SKAP2: variants seen among roughly 807,000 people sequenced by gnomAD.
SKAP2 encodes src kinase-associated phosphoprotein 2.
In SKAP2, 28 loss-of-function variants were observed where a neutral mutation model predicts 54.9. That is an observed-to-expected ratio of 0.51 (90% CI 0.38 to 0.70). The LOEUF (loss-of-function observed/expected upper bound fraction) is 0.70, where lower values mean the gene tolerates loss of function less well. SKAP2 is among the 30% of genes least tolerant of loss of function. SKAP2 has a pLI of 0.00. For missense variants in SKAP2, 356 were observed against 424.1 expected, an observed-to-expected ratio of 0.84 and a Z score of 1.41; for synonymous variants, 137 against 134.3, an observed-to-expected ratio of 1.02 and a Z score of -0.14.
At chr7:26,723,777 T>A (rs1584352677) in intron 9 of SKAP2, among the ~76,000 whole-genome samples, 1 of 152,248 alleles carries the variant, frequency 6.6e-6, no homozygotes, top group East Asian at 1.9e-4. Flanking sequence ...ATTTCAACAA[T>A]TGTAATGTAA....
At chr7:26,718,662 C>T (rs543611093) in intron 9 of SKAP2, among the ~76,000 whole-genome samples, 4 of 152,090 alleles carry the variant, frequency 2.6e-5, no homozygotes, top group African/African-American at 9.6e-5. Flanking sequence ...CGTGCCACCA[C>T]GCCCAGCTAA....
At chr7:26,739,862 T>C (rs564091178) in intron 5 of SKAP2, 25 bp downstream of exon 5, 4 of 1,528,348 alleles carry the variant, frequency 2.6e-6, no homozygotes, top group Non-Finnish European at 3.6e-6. Flanking sequence ...TATTTTTACA[T>C]TTTTCATTAG....
intron 1 of SKAP2, chr7:26,857,795 C>T (rs1453148779): frequency 1.7e-5 from 16 of 921,348 alleles, no homozygotes; most frequent in Non-Finnish European, 2.1e-5. Context: ...GAGTCTTGGG[C>T]GAATCAAGTG....
chr7:26,833,747 A>C (rs1784646608), intron 4 of SKAP2, among the ~76,000 whole-genome samples: 1 of 152,150 alleles, frequency 6.6e-6, no homozygotes. Context: ...CCACAAAGAG[A>C]CTTAGACTCC....
chr7:26,765,495 G>T (rs1186262762), intron 4 of SKAP2, among the ~76,000 whole-genome samples: 1 of 152,068 alleles, frequency 6.6e-6, no homozygotes. Context: ...TGTCAACTTT[G>T]GCTTTTGTTG....
intron 4 of SKAP2, among the ~76,000 whole-genome samples, chr7:26,753,566 T>G (rs1421755039): frequency 2.0e-5 from 3 of 152,212 alleles, no homozygotes; most frequent in Non-Finnish European, 4.4e-5. Flanking sequence ...GATTTTTATT[T>G]ATAACTACCT....
intron 11 of SKAP2, among the ~76,000 whole-genome samples, chr7:26,684,285 A>G (rs535895817): frequency 4.6e-5 from 7 of 152,352 alleles, no homozygotes; most frequent in African/African-American, 1.7e-4. Context: ...TTGCTTTTAA[A>G]TTGCCGGAAC....
intron 4 of SKAP2, among the ~76,000 whole-genome samples, chr7:26,797,205 C>G (rs1783799405): frequency 6.6e-6 from 1 of 152,200 alleles, no homozygotes; most frequent in African/African-American, 2.4e-5. Context: ...GGGCCTCGAG[C>G]TAAAATAGGC....
intron 4 of SKAP2, among the ~76,000 whole-genome samples, chr7:26,821,527 A>G (rs1258845214): frequency 6.6e-6 from 1 of 152,138 alleles, no homozygotes; most frequent in Non-Finnish European, 1.5e-5. Flanking sequence ...CTGTCTCTGG[A>G]AAGTCTTCTC....
intron 6 of SKAP2, among the ~76,000 whole-genome samples, chr7:26,728,627 C>G (rs141726193): frequency 7.2e-5 from 11 of 152,074 alleles, no homozygotes; most frequent in African/African-American, 2.4e-4. Flanking sequence ...AAAACCAGCA[C>G]GCAGCATTAT....
At chr7:26,788,783 T>A (rs1011383295) in intron 4 of SKAP2, among the ~76,000 whole-genome samples, 8 of 152,114 alleles carry the variant, frequency 5.3e-5, no homozygotes, top group African/African-American at 1.9e-4. Flanking sequence ...CCTAATTATA[T>A]GCTTAATACC....
intron 1 of SKAP2, among the ~76,000 whole-genome samples, chr7:26,856,358 C>T (rs1246338989): frequency 1.3e-5 from 2 of 151,048 alleles, no homozygotes; most frequent in African/African-American, 4.9e-5. Context: ...GCAAATGTCA[C>T]AGCTTCCCTT....
intron 4 of SKAP2, among the ~76,000 whole-genome samples, chr7:26,770,424 T>A (rs1193445534): frequency 2.0e-5 from 3 of 152,164 alleles, no homozygotes; most frequent in Non-Finnish European, 4.4e-5. Flanking sequence ...GCAAGACTAC[T>A]TGGCTCCCTG....
chr7:26,684,930 T>C lies in SKAP2; in HGVS notation c.875-82A>G, dbSNP rs374826615. 3.8e-6 allele frequency: 3 copies of C among 789,452 alleles called. No individual in the cohort carries two copies. In the African/African-American group the frequency reaches 5.3e-5, roughly 14 times the overall value. The allele number at this position is 789,452 out of a possible 1,614,324, so 48.9% of individuals were successfully genotyped here. On this transcript the variant is annotated intron_variant, in intron 10 of 12. Transcript: ENST00000345317. ...TCAAAATTAACCAGTAGAAATTAAA[T>C]GATGCCCTAGATCACTAAAATAGTC... is the stretch of plus-strand genomic sequence containing the variant.
intron 11 of SKAP2, among the ~76,000 whole-genome samples, chr7:26,671,812 G>A (rs1786249564): frequency 6.6e-6 from 1 of 151,994 alleles, no homozygotes; most frequent in Non-Finnish European, 1.5e-5. Context: ...ATATTTATCA[G>A]AAGAAAATAC....
At chr7:26,702,819 A>G (rs1787067564) in intron 9 of SKAP2, among the ~76,000 whole-genome samples, 1 of 152,204 alleles carries the variant, frequency 6.6e-6, no homozygotes. Context: ...TTTTTCTACT[A>G]TCACCACATT....
intron 3 of SKAP2, among the ~76,000 whole-genome samples, chr7:26,852,232 T>C (rs566543713): frequency 1.3e-5 from 2 of 152,328 alleles, no homozygotes; most frequent in Admixed American, 1.3e-4. Context: ...ATTTACTCAA[T>C]GTAGAGACCT....
At chr7:26,739,812 C>T in intron 5 of SKAP2, 75 bp downstream of exon 5, 1 of 1,009,154 alleles carries the variant, frequency 9.9e-7, no homozygotes, top group Non-Finnish European at 1.5e-6. Context: ...ATACTGCCTC[C>T]ACATGTATAC....
At chr7:26,840,315 A>G (rs1204176787) in intron 4 of SKAP2, among the ~76,000 whole-genome samples, 5 of 152,114 alleles carry the variant, frequency 3.3e-5, no homozygotes, top group Admixed American at 1.3e-4. Flanking sequence ...CCTTCGACCT[A>G]TCGTCGAGGG....
Sources: gnomAD v4.1 joint callset for allele counts (sites outside exome capture counted in the v4.1 genomes callset) on GRCh38, gnomAD v4.1.1 for gene constraint, MANE v1.5 for transcripts, NCBI Gene and HGNC (gene_info 2026-07-23, HGNC 2026-07-21) for gene names.